Variants in CCDC38 observed in about 807,000 individuals in gnomAD.
CCDC38 encodes coiled-coil domain-containing protein 38.
In CCDC38, 69 loss-of-function variants were observed where a neutral mutation model predicts 72.8. The ratio of observed to expected loss-of-function variants is 0.95; its 90% CI spans 0.78 to 1.16. The LOEUF is 1.16. CCDC38 is among the 50% of genes most tolerant of loss of function. The probability of loss-of-function intolerance (pLI) is 0.00; values close to 1 mark genes in which losing one functional copy is unlikely to be tolerated. For missense variants in CCDC38, 626 were observed against 638.9 expected, an observed-to-expected ratio of 0.98 and a Z score of 0.22; for synonymous variants, 201 against 213.2, an observed-to-expected ratio of 0.94 and a Z score of 0.50.
At chr12:95,887,890 A>G (rs1178016901) in intron 10 of CCDC38, among the ~76,000 whole-genome samples, 1 of 152,216 alleles carries the variant, frequency 6.6e-6, no homozygotes, top group Non-Finnish European at 1.5e-5. Flanking sequence ...GAGGGTGCCT[A>G]GAATTCACAG....
chr12:95,873,541 A>G (rs907276562), intron 13 of CCDC38, among the ~76,000 whole-genome samples: 8 of 152,182 alleles, frequency 5.3e-5, no homozygotes, highest in Admixed American at 3.3e-4. Context: ...TTGAGGTGGT[A>G]GGTAACTTGT....
rs373282670 is a variant in CCDC38, at chr12:95,872,358, T to C, written c.1381A>G (p.Lys461Glu). The C allele has an allele frequency of 1.2e-6, 2 of 1,614,190 alleles. No individual in the cohort carries two copies. The highest frequency in any genetic ancestry group is 2.7e-5 in the African/African-American group (2 of 75,054). The stretch of plus-strand genomic sequence containing the variant: ...AGTTCTACCAGGCGAGATTCTACTT[T>C]TACCAGCTTTTGAATTGGGTTGAGG... ...DGLNPIQKLV[K>E]VESRLVELCD... Residue 461 changes from lysine to glutamate, a missense_variant, in exon 14 of 16, where the codon AAA (lysine) becomes GAA (glutamate). By Grantham distance (56) the Lys-to-Glu change is moderately conservative. Transcript: ENST00000344280.
intron 1 of CCDC38, among the ~76,000 whole-genome samples, chr12:95,939,860 T>C (rs1200288275): frequency 6.6e-6 from 1 of 152,186 alleles, no homozygotes; most frequent in Non-Finnish European, 1.5e-5. Flanking sequence ...GCAAGGGTAG[T>C]AGGAATGGCA....
At chr12:95,912,832 G>A (rs1432813475) in intron 4 of CCDC38, among the ~76,000 whole-genome samples, 2 of 152,150 alleles carry the variant, frequency 1.3e-5, no homozygotes, top group African/African-American at 2.4e-5. Flanking sequence ...GGCTGAGGTA[G>A]GTGGATCGCT....
At chr12:95,883,411 T>TC (rs2079723112) in intron 10 of CCDC38, among the ~76,000 whole-genome samples, 1 of 152,058 alleles carries the variant, frequency 6.6e-6, no homozygotes, top group African/African-American at 2.4e-5. Context: ...CTTGAGCCTC[T>TC]CCCCCTTTTA....
intron 1 of CCDC38, among the ~76,000 whole-genome samples, chr12:95,937,246 CCTCACTCTA>C (rs1354014383): frequency 1.3e-5 from 2 of 152,128 alleles, no homozygotes; most frequent in African/African-American, 4.8e-5. Flanking sequence ...AGAGCCAGTG[CCTCACTCTA>C]CTCACCCAAA....
intron 2 of CCDC38, among the ~76,000 whole-genome samples, chr12:95,927,359 A>T (rs1443327711): frequency 1.6e-4 from 24 of 150,266 alleles, no homozygotes; most frequent in African/African-American, 5.6e-4. Flanking sequence ...TAGGATTGCA[A>T]CCCCTGCCTT....
chr12:95,927,583 G>C (rs2080286629), intron 2 of CCDC38, among the ~76,000 whole-genome samples: 1 of 152,120 alleles, frequency 6.6e-6, no homozygotes, highest in Non-Finnish European at 1.5e-5. Flanking sequence ...CTGTCATTAT[G>C]ATGTTAGCTG....
intron 13 of CCDC38, among the ~76,000 whole-genome samples, chr12:95,873,516 T>G (rs2079603912): frequency 6.6e-6 from 1 of 152,208 alleles, no homozygotes. Context: ...GCCGTTTAAC[T>G]GTTGGTGGAG....
At chr12:95,916,441 T>C (rs902621424) in intron 4 of CCDC38, among the ~76,000 whole-genome samples, 1 of 140,388 alleles carries the variant, frequency 7.1e-6, no homozygotes, top group African/African-American at 2.6e-5. Flanking sequence ...TATTTTAAAC[T>C]TTTTAATTTA....
At chr12:95,913,332 T>C (rs2080114060) in intron 4 of CCDC38, among the ~76,000 whole-genome samples, 1 of 152,198 alleles carries the variant, frequency 6.6e-6, no homozygotes. Context: ...AGGATTCTCT[T>C]TCCCCACTAA....
At chr12:95,919,671 G>C in intron 2 of CCDC38, 1 of 454,790 alleles carries the variant, frequency 2.2e-6, no homozygotes, top group Non-Finnish European at 4.4e-6. Context: ...TACCAAAATA[G>C]TAGGATAAAA....
At chr12:95,913,132 C>CT (rs1374695309) in intron 4 of CCDC38, among the ~76,000 whole-genome samples, 2 of 152,094 alleles carry the variant, frequency 1.3e-5, no homozygotes, top group Admixed American at 6.5e-5. Context: ...TCCAAGTAAC[C>CT]TGTGAGCCTG....
chr12:95,870,597 G>A (rs1013505774), intron 14 of CCDC38, among the ~76,000 whole-genome samples: 1 of 152,170 alleles, frequency 6.6e-6, no homozygotes, highest in Non-Finnish European at 1.5e-5. Flanking sequence ...AAAATGAGTT[G>A]TAATTACACT....
chr12:95,937,043 C>T (rs1295609029), intron 1 of CCDC38, among the ~76,000 whole-genome samples: 3 of 151,992 alleles, frequency 2.0e-5, no homozygotes, highest in Non-Finnish European at 4.4e-5. Flanking sequence ...ATCTTAGCTG[C>T]AAAGCTTAAG....
chr12:95,921,535 C>T (rs1407442920), intron 2 of CCDC38, among the ~76,000 whole-genome samples: 8 of 152,072 alleles, frequency 5.3e-5, no homozygotes, highest in Non-Finnish European at 1.0e-4. Context: ...ATGTATAAAA[C>T]CATCAGATCT....
chr12:95,917,819 C>T (rs538602664), intron 3 of CCDC38, among the ~76,000 whole-genome samples: 71 of 146,248 alleles, frequency 4.9e-4, no homozygotes, highest in African/African-American at 1.8e-3. Context: ...GGCAGTGAGC[C>T]GAGATCACAC....
chr12:95,941,705 TTA>T, intron 1 of CCDC38, among the ~76,000 whole-genome samples: 1 of 152,212 alleles, frequency 6.6e-6, no homozygotes, highest in Non-Finnish European at 1.5e-5. Flanking sequence ...ATTAGTGACT[TTA>T]TGTGTTTCTA....
chr12:95,899,280 A>G (rs6538682), intron 5 of CCDC38, among the ~76,000 whole-genome samples: 120,183 of 152,118 alleles, frequency 0.79, 48,003 homozygotes, highest in East Asian at 0.99. Flanking sequence ...CAGAATATAA[A>G]AGTCCATGTG....
Sources: allele counts gnomAD v4.1 joint callset (sites outside exome capture counted in the v4.1 genomes callset), GRCh38; gene constraint gnomAD v4.1.1; transcripts MANE v1.5; gene names NCBI Gene and HGNC (gene_info 2026-07-23, HGNC 2026-07-21).